The following LRCH3 variants were observed in gnomAD, a reference collection of about 807,000 sequenced individuals.
The protein encoded by LRCH3 is leucine rich repeats and calponin homology domain containing 3.
Under a neutral mutation model 104.5 loss-of-function variants are expected in LRCH3, and 68 were observed. The observed-to-expected ratio is 0.65, with a 90% CI of 0.54 to 0.80. The LOEUF (loss-of-function observed/expected upper bound fraction) is 0.80. LRCH3 is among the 30% of genes least tolerant of loss of function. The pLI, the probability that LRCH3 is intolerant of heterozygous loss-of-function variation, is 0.00. For synonymous variants in LRCH3, 344 were observed against 361.3 expected (o/e 0.95, Z 0.54); for missense variants, 951 against 953.9 (o/e 1.00, Z 0.04).
intron 5 of LRCH3, among the ~76,000 whole-genome samples, chr3:197,828,678 C>T (rs1160672696): frequency 1.4e-5 from 2 of 144,394 alleles, no homozygotes; most frequent in Non-Finnish European, 3.0e-5. Flanking sequence ...AGTTTATTGA[C>T]GATTTTGTAC....
rs1006709669 is a variant in LRCH3 at position 197,804,539 on chromosome 3, C to T, written c.263-10369C>T. ...CATCGTGTATCCAGAGCTCAATTAT[C>T]TTGTCCTCACTCCTATCCTGAGGAC... On this transcript the variant is annotated intron_variant, in intron 1 of 20. Transcript: ENST00000425562. 4.6e-5 allele frequency among the ~76,000 whole-genome samples: 7 copies of T among 152,320 alleles called. 2 individuals carry two copies. The Middle Eastern group carries it at 0.024, about 518-fold the overall frequency.
intron 17 of LRCH3, among the ~76,000 whole-genome samples, chr3:197,869,432 G>A (rs113473743): frequency 1.5e-4 from 19 of 124,334 alleles, no homozygotes; most frequent in Admixed American, 4.0e-4. Flanking sequence ...GTAGAAAGCC[G>A]TGCACTGTAC....
intron 10 of LRCH3, among the ~76,000 whole-genome samples, chr3:197,846,483 G>A (rs1187168537): frequency 6.6e-6 from 1 of 151,182 alleles, no homozygotes; most frequent in Non-Finnish European, 1.5e-5. Flanking sequence ...GATGGCTTGA[G>A]GGGCAGGAGT....
chr3:197,836,712 C>G (rs1275530516), intron 9 of LRCH3, among the ~76,000 whole-genome samples: 1 of 152,240 alleles, frequency 6.6e-6, no homozygotes, highest in Non-Finnish European at 1.5e-5. Flanking sequence ...CAGAGTCACT[C>G]TGTCGCCCAG....
chr3:197,800,873 A>G (rs1271023553), intron 1 of LRCH3, among the ~76,000 whole-genome samples: 1 of 152,270 alleles, frequency 6.6e-6, no homozygotes, highest in East Asian at 1.9e-4. Flanking sequence ...AGGTGGGTGG[A>G]TCACAAGGTC....
At chr3:197,869,241 A>G (rs60536533) in intron 17 of LRCH3, among the ~76,000 whole-genome samples, 75 of 131,050 alleles carry the variant, frequency 5.7e-4, no homozygotes, top group Middle Eastern at 5.1e-3. Flanking sequence ...ACCTGCAGGA[A>G]GTAGAAAGCG....
chr3:197,865,005 AAGAGAG>A (rs954675181), intron 15 of LRCH3, among the ~76,000 whole-genome samples: 15 of 151,964 alleles, frequency 9.9e-5, no homozygotes, highest in African/African-American at 1.9e-4. Flanking sequence ...GTCTCAAAAA[AAGAGAG>A]AGAGAGGGAG....
chr3:197,825,278 T>C (rs1226667739), intron 4 of LRCH3, among the ~76,000 whole-genome samples: 1 of 151,912 alleles, frequency 6.6e-6, no homozygotes, highest in Non-Finnish European at 1.5e-5. Context: ...ATGAGTTGTT[T>C]TAATTTAATG....
chr3:197,835,879 A>G (rs528128254), intron 9 of LRCH3, 57 bp downstream of exon 9: 2 of 1,574,968 alleles, frequency 1.3e-6, no homozygotes, highest in Admixed American at 3.5e-5. Flanking sequence ...AATAATTCAT[A>G]ATAGTATAAA....
chr3:197,818,054 C>T (rs1200443322), intron 3 of LRCH3, among the ~76,000 whole-genome samples: 5 of 152,152 alleles, frequency 3.3e-5, no homozygotes, highest in African/African-American at 1.2e-4. Flanking sequence ...ATCTCCTGAC[C>T]TTGTGATCTG....
rs1427428688 is a variant in LRCH3, at chr3:197,854,827, T to C, written c.1644+382T>C. Among the ~76,000 whole-genome samples the C allele has an allele frequency of 1.3e-5, 2 of 152,224 alleles. No homozygotes were observed. Among genetic ancestry groups the C allele is most frequent in the Non-Finnish European group, 2.9e-5 (2 of 68,032 alleles). On this transcript the variant is annotated intron_variant, in intron 14 of 20. Coordinates refer to ENST00000425562, the MANE Select transcript of LRCH3 (RefSeq NM_001365715.1). The surrounding 1 kb of genome is among the most constrained non-coding windows in gnomAD (Gnocchi z 4.5). ...TGACTCATGACACTGATTGCACAGC[T>C]GTATATTTGGCATCCAATTTTATGA...
At chr3:197,881,997 G>A (rs1215222218) in intron 20 of LRCH3, 8 of 985,298 alleles carry the variant, frequency 8.1e-6, no homozygotes, top group Non-Finnish European at 9.6e-6. Context: ...GTCAGTAGGT[G>A]CCTTTCAGAC....
At chr3:197,882,859 A>T (rs1332258045) in intron 20 of LRCH3, 3 of 985,220 alleles carry the variant, frequency 3.0e-6, no homozygotes, top group East Asian at 1.1e-4. Context: ...CAGGCTGTTA[A>T]ATACCAGGAT....
intron 15 of LRCH3, 79 bp from the exon 16 acceptor site, chr3:197,865,344 A>T: frequency 4.6e-6 from 5 of 1,077,372 alleles, no homozygotes; most frequent in African/African-American, 1.6e-5. Flanking sequence ...TTTGTCTTTT[A>T]TAATTTCAAA....
chr3:197,828,614 G>A (rs1735518382), intron 5 of LRCH3, among the ~76,000 whole-genome samples: 2 of 151,252 alleles, frequency 1.3e-5, no homozygotes, highest in South Asian at 2.1e-4. Context: ...CAAAGTGCTG[G>A]GATTACAGGT....
chr3:197,860,309 A>G (rs1380976649), intron 15 of LRCH3, among the ~76,000 whole-genome samples: 1 of 152,116 alleles, frequency 6.6e-6, no homozygotes, highest in East Asian at 1.9e-4. Flanking sequence ...CAACTTCTAA[A>G]TGACAGTTAC....
intron 13 of LRCH3, among the ~76,000 whole-genome samples, chr3:197,853,695 A>C (rs1408925145): frequency 1.3e-5 from 2 of 152,202 alleles, no homozygotes; most frequent in African/African-American, 4.8e-5. Context: ...TCAATTGTCC[A>C]TTAGAAAGGT....
intron 1 of LRCH3, among the ~76,000 whole-genome samples, chr3:197,805,482 A>G (rs975378861): frequency 6.6e-6 from 1 of 152,094 alleles, no homozygotes; most frequent in Middle Eastern, 3.2e-3. Context: ...GCCGACATGC[A>G]GAATGGTAAG....
At chr3:197,831,878 A>G (rs1458332582) in intron 7 of LRCH3, among the ~76,000 whole-genome samples, 3 of 151,776 alleles carry the variant, frequency 2.0e-5, no homozygotes, top group African/African-American at 7.3e-5. Context: ...TGGTCTCCCA[A>G]AGTGTTGGGA....
Sources: gnomAD v4.1 joint callset for allele counts (sites outside exome capture counted in the v4.1 genomes callset) on GRCh38, gnomAD v4.1.1 for gene constraint, Gnocchi (gnomAD v3.1) non-coding constraint, MANE v1.5 for transcripts, NCBI Gene and HGNC (gene_info 2026-07-23, HGNC 2026-07-21) for gene names.